The following PHTF1 variants were observed in gnomAD, a reference collection of about 807,000 sequenced individuals.
PHTF1 encodes putative homeodomain transcription factor 1, also known as protein PHTF1.
A neutral mutation model predicts 102.4 loss-of-function variants in PHTF1; 88 were observed. The ratio of observed to expected loss-of-function variants is 0.86; its 90% confidence interval spans 0.72 to 1.03. PHTF1 has a LOEUF of 1.03. PHTF1 is among the 50% of genes least tolerant of loss of function. The pLI is 0.00. For missense variants in PHTF1, 814 were observed against 909.5 expected (o/e 0.89, Z 1.35); for synonymous variants, 289 against 305.2 (o/e 0.95, Z 0.55).
At chr1:113,749,838 C>T (rs1319690707) in intron 3 of PHTF1, among the ~76,000 whole-genome samples, 2 of 152,124 alleles carry the variant, frequency 1.3e-5, no homozygotes, top group African/African-American at 4.8e-5. Flanking sequence ...TTCCAACCTT[C>T]GAAATTGTAT....
chr1:113,736,253 A>G (rs1408105186), intron 5 of PHTF1, among the ~76,000 whole-genome samples: 1 of 150,858 alleles, frequency 6.6e-6, no homozygotes, highest in Non-Finnish European at 1.5e-5. Flanking sequence ...GAGGCAAGGG[A>G]ATGGCGTGAA....
intron 14 of PHTF1, among the ~76,000 whole-genome samples, 174 bp from the exon 15 acceptor site, chr1:113,704,341 A>T (rs1649804432): frequency 6.6e-6 from 1 of 152,242 alleles, no homozygotes; most frequent in Admixed American, 6.5e-5. Flanking sequence ...ACTGAAATCC[A>T]TGCATTTCCA....
chr1:113,701,020 G>T, intron 15 of PHTF1, 71 bp from the exon 16 acceptor site: 2 of 1,145,136 alleles, frequency 1.7e-6, no homozygotes, highest in Non-Finnish European at 1.3e-6. Context: ...CTTTTACTCT[G>T]TCAATTTAAG....
rs565426901 is a variant in PHTF1 at position 113,743,948 on chromosome 1, C to T, written c.103-5149G>A. Among the ~76,000 whole-genome samples, 11 of 152,328 alleles carry T rather than the reference C, an allele frequency of 7.2e-5. 1 individual carries two copies. In the South Asian group the frequency reaches 2.3e-3, roughly 32 times the overall value. ...TCCAAAGTCTGTGCTCTAACCACTA[C>T]ACTATCCTGCCTTTCGCTATATGAC... On this transcript the variant is annotated intron_variant, in intron 3 of 18. Coordinates refer to ENST00000369604, the MANE Select transcript of PHTF1 (RefSeq NM_001323043.2).
At position 113,706,652 on chromosome 1, in the gene PHTF1, T is replaced by A. The variant is rs375079004; in HGVS notation, c.1340A>T (p.Asn447Ile). Residue 447 changes from asparagine (N) to isoleucine (I), a missense_variant, in exon 12 of 19, where the codon AAT (asparagine) becomes ATT (isoleucine). Coordinates refer to ENST00000369604, the MANE Select transcript of PHTF1 (RefSeq NM_001323043.2). ...DRVSAIIWEG[N>I]ECKKMDMSVL... ...AGACATATCCATCTTTTTGCACTCA[T>A]TCCCCTCCCAGATTATTGCACTAAC... 8 of 1,611,088 alleles carry A rather than the reference T, an allele frequency of 5.0e-6. No homozygotes were observed. Among genetic ancestry groups the A allele is most frequent in the Non-Finnish European group, 6.8e-6 (8 of 1,178,260 alleles).
At position 113,697,666 on chromosome 1, in the gene PHTF1, T is replaced by G; in HGVS notation, c.*39A>C. 6.6e-7 allele frequency: 1 copy of G among 1,506,320 alleles called. No individual in the cohort carries two copies. The highest frequency in any genetic ancestry group is 9.2e-7 in the Non-Finnish European group (1 of 1,086,430). 93.3% of individuals were successfully genotyped at this position (1,506,320 alleles called of 1,614,324 possible). A position where few individuals can be genotyped will look rare whatever the true frequency, so the allele number is the denominator to read the frequency against. ...CATCACTTTCCTTGATAGGTAAGTTTTGATACCAGCCAGGGGAGAGTCCAG... is the reference window on the plus strand; with the variant it reads ...CATCACTTTCCTTGATAGGTAAGTTGTGATACCAGCCAGGGGAGAGTCCAG... On this transcript the variant is annotated 3_prime_UTR_variant, in exon 19 of 19. Coordinates refer to ENST00000369604, the MANE Select transcript of PHTF1 (RefSeq NM_001323043.2).
chr1:113,704,940 T>C (rs1649903772), intron 13 of PHTF1, 143 bp from the exon 14 acceptor site: 1 of 620,286 alleles, frequency 1.6e-6, no homozygotes. Flanking sequence ...GCAGTGAAAA[T>C]TTTCATTAAT....
intron 7 of PHTF1, among the ~76,000 whole-genome samples, chr1:113,724,338 G>T (rs1653482840): frequency 6.6e-6 from 1 of 152,000 alleles, no homozygotes; most frequent in Non-Finnish European, 1.5e-5. Context: ...TCAGGAATTC[G>T]ATATCAGCCT....
At position 113,713,456 on chromosome 1, in the gene PHTF1, A is replaced by T. The variant is rs1273049897; in HGVS notation, c.624-18T>A. On this transcript the variant is annotated intron_variant, in intron 7 of 18. Transcript: ENST00000369604. ...TTTTAATCCTATTTTTTAAAAAAGG[A>T]AAAGAAGATTAATTTTTTGAAAGTA... The T allele has an allele frequency of 1.4e-6, 2 of 1,394,628 alleles. No individual in the cohort carries two copies. The highest frequency in any genetic ancestry group is 4.1e-5 in the Admixed American group (2 of 48,360). 86.4% of individuals were successfully genotyped at this position (1,394,628 alleles called of 1,614,324 possible). A position where few individuals can be genotyped will look rare whatever the true frequency, so the allele number is the denominator to read the frequency against.
intron 15 of PHTF1, among the ~76,000 whole-genome samples, chr1:113,703,163 A>C (rs1409397538): frequency 6.6e-6 from 1 of 152,256 alleles, no homozygotes; most frequent in Non-Finnish European, 1.5e-5. Context: ...GATGTAGGTA[A>C]TTTGACACAT....
chr1:113,717,068 A>G (rs891762901), intron 7 of PHTF1, among the ~76,000 whole-genome samples: 3 of 152,220 alleles, frequency 2.0e-5, no homozygotes, highest in Non-Finnish European at 4.4e-5. Flanking sequence ...GCAAGGGGAC[A>G]GAGTGAAAGT....
chr1:113,722,919 CAAATAAATAAATAAATAAATAAATAAAT>C (rs34016504), intron 7 of PHTF1, among the ~76,000 whole-genome samples: 1 of 134,760 alleles, frequency 7.4e-6, no homozygotes, highest in East Asian at 2.1e-4. Context: ...GACTCCATCT[CAAATAAATAAATAAATAAATAAATAAAT>C]AAATAAATAA....
chr1:113,743,299 T>G (rs888288396), intron 3 of PHTF1, among the ~76,000 whole-genome samples: 1 of 151,880 alleles, frequency 6.6e-6, no homozygotes, highest in Non-Finnish European at 1.5e-5. Flanking sequence ...AAGGCCTACA[T>G]AGGGTCAGGA....
At chr1:113,741,062 C>T (rs1416455752) in intron 3 of PHTF1, among the ~76,000 whole-genome samples, 1 of 152,102 alleles carries the variant, frequency 6.6e-6, no homozygotes, top group African/African-American at 2.4e-5. Flanking sequence ...AAATAATTTG[C>T]ACATGCTAAT....
intron 7 of PHTF1, among the ~76,000 whole-genome samples, chr1:113,724,382 T>C (rs535637107): frequency 1.6e-4 from 24 of 151,812 alleles, no homozygotes; most frequent in African/African-American, 5.1e-4. Flanking sequence ...TCTAATAAAA[T>C]ACAAAAATTA....
rs370733544 is a variant in PHTF1 at position 113,732,663 on chromosome 1, T to C, written c.331+5447A>G. Among the ~76,000 whole-genome samples the C allele has an allele frequency of 1.5e-4, 23 of 152,046 alleles. No individual in the cohort carries two copies. In the East Asian group the frequency reaches 3.8e-3, roughly 25 times the overall value. On this transcript the variant is annotated intron_variant, in intron 5 of 18. Transcript: ENST00000369604. Reference sequence around the variant, plus strand: ...ACAAAAATTTAATATATGGCATAGATATGAGAATAACCAAAACTGATGGTA... The same window carrying C: ...ACAAAAATTTAATATATGGCATAGACATGAGAATAACCAAAACTGATGGTA...
chr1:113,705,531 T>A (rs1268925760), intron 13 of PHTF1, among the ~76,000 whole-genome samples: 1 of 152,198 alleles, frequency 6.6e-6, no homozygotes, highest in Non-Finnish European at 1.5e-5. Context: ...TTCAATAAAT[T>A]TATTTCTCAC....
chr1:113,704,211 ACAG>A (rs1201742960), intron 14 of PHTF1, 44 bp from the exon 15 acceptor site: 1 of 1,158,358 alleles, frequency 8.6e-7, no homozygotes, highest in Admixed American at 1.8e-5. Flanking sequence ...TTACTGGCAG[ACAG>A]CAACCGCCCT....
chr1:113,698,482 G>T, intron 17 of PHTF1, 95 bp from the exon 18 acceptor site: 4 of 1,031,434 alleles, frequency 3.9e-6, no homozygotes, highest in African/African-American at 1.6e-5. Context: ...ATAGATGAAT[G>T]CTTAAGGCTG....
Sources: allele counts gnomAD v4.1 joint callset (sites outside exome capture counted in the v4.1 genomes callset), GRCh38; gene constraint gnomAD v4.1.1; transcripts MANE v1.5; gene names NCBI Gene and HGNC (gene_info 2026-07-23, HGNC 2026-07-21).